The following ZNF43 variants were observed in gnomAD, a reference collection of about 807,000 sequenced individuals.
The protein encoded by ZNF43 is zinc finger protein 43.
A neutral mutation model predicts 68.4 loss-of-function variants in ZNF43; 44 were observed. The observed-to-expected ratio is 0.64, with a 90% CI of 0.51 to 0.83. ZNF43 has a LOEUF of 0.83. Ranked by LOEUF, ZNF43 falls within the 40% of genes least tolerant of loss-of-function variation. The pLI is 0.00. For missense variants in ZNF43, 896 were observed against 933.2 expected (o/e 0.96, Z 0.52); for synonymous variants, 308 against 307.8 (o/e 1.00, Z -0.01).
At chr19:21,816,918 T>TC (rs567159862) in intron 3 of ZNF43, among the ~76,000 whole-genome samples, 57 of 152,170 alleles carry the variant, frequency 3.7e-4, no homozygotes, top group African/African-American at 1.3e-3. Context: ...TAGTGCAGAC[T>TC]CAGCAGCCTT....
Position 21,807,716 on chromosome 19 carries a change from T to C in ZNF43, c.2321A>G (p.Tyr774Cys), listed in dbSNP as rs1321180268. 6.2e-7 allele frequency: 1 copy of C among 1,613,492 alleles called. No homozygotes were observed. The highest frequency in any genetic ancestry group is 1.7e-5 in the Admixed American group (1 of 59,986). ...TTTGTTATGTGTAGTAAGGTTTGAA[T>C]ATTGGTTGAAAGCTTTGCCACATTC... is the stretch of plus-strand genomic sequence containing the variant. The part of the protein sequence containing the change: ...CKECGKAFNQ[Y>C]SNLTTHNKIH... The change falls in exon 4 of 4, where the codon TAT becomes TGT. Residue 774 changes from tyrosine (Y) to cysteine (C), a missense_variant. By Grantham distance (194) the Tyr-to-Cys change is radical. Transcript: ENST00000354959.
intron 1 of ZNF43, among the ~76,000 whole-genome samples, chr19:21,846,592 A>G (rs1336316631): frequency 1.3e-5 from 2 of 152,128 alleles, no homozygotes; most frequent in Non-Finnish European, 1.5e-5. Flanking sequence ...AACATGTCAC[A>G]ATGTCTTATG....
chr19:21,825,574 T>C (rs966853938), intron 1 of ZNF43, among the ~76,000 whole-genome samples: 1 of 151,076 alleles, frequency 6.6e-6, no homozygotes, highest in Non-Finnish European at 1.5e-5. Context: ...GCAGATTTAG[T>C]GGAGCTAAAT....
chr19:21,844,922 AT>A (rs1260014675), intron 1 of ZNF43, among the ~76,000 whole-genome samples: 680 of 37,126 alleles, frequency 0.018, 8 homozygotes, highest in African/African-American at 0.039. Context: ...AAAAAAAAAA[AT>A]ATATATATAT....
At chr19:21,844,914 AAAAAAAAATATATATATAT>A (rs1361833064) in intron 1 of ZNF43, among the ~76,000 whole-genome samples, 2 of 112,978 alleles carry the variant, frequency 1.8e-5, no homozygotes, top group African/African-American at 8.1e-5. Flanking sequence ...AAAAAAAAAA[AAAAAAAAATATATATATAT>A]ATATATATAT....
chr19:21,852,057 G>T, exon 1 of ZNF43: 1 of 1,109,210 alleles, frequency 9.0e-7, no homozygotes, highest in Non-Finnish European at 1.2e-6. Context: ...TCTAGCGGGA[G>T]CTGGAGACAA....
chr19:21,815,289 G>C (rs1020510918), intron 3 of ZNF43, among the ~76,000 whole-genome samples: 2 of 151,864 alleles, frequency 1.3e-5, no homozygotes, highest in Admixed American at 6.6e-5. Context: ...TGCATCATTG[G>C]CATGAACTGT....
chr19:21,828,111 TA>T (rs1599502175), intron 1 of ZNF43, among the ~76,000 whole-genome samples: 2 of 152,338 alleles, frequency 1.3e-5, no homozygotes. Flanking sequence ...CATGTCAGAC[TA>T]ATATCTATTG....
At chr19:21,849,686 G>A (rs568541340) in intron 1 of ZNF43, among the ~76,000 whole-genome samples, 1 of 151,696 alleles carries the variant, frequency 6.6e-6, no homozygotes, top group East Asian at 1.9e-4. Flanking sequence ...AGGTTGCAGT[G>A]AGCTGAGATT....
At chr19:21,825,451 T>G (rs2038069053) in intron 1 of ZNF43, among the ~76,000 whole-genome samples, 1 of 152,138 alleles carries the variant, frequency 6.6e-6, no homozygotes. Context: ...GAGAAAGAAA[T>G]AATTGTGTTC....
At chr19:21,827,662 A>ATTTT (rs74174045) in intron 1 of ZNF43, among the ~76,000 whole-genome samples, 2 of 128,274 alleles carry the variant, frequency 1.6e-5, no homozygotes, top group African/African-American at 2.9e-5. Context: ...GCGCCTGGCC[A>ATTTT]TTTTTTTTTT....
Position 21,809,463 on chromosome 19 carries a change from G to T in ZNF43, c.574C>A (p.His192Asn), listed in dbSNP as rs774128517. The T allele has an allele frequency of 1.9e-6, 3 of 1,613,792 alleles. No individual in the cohort carries two copies. Among genetic ancestry groups the T allele is most frequent in the Non-Finnish European group, 1.7e-6 (2 of 1,179,894 alleles). The change falls in exon 4 of 4, where the codon CAT (histidine) becomes AAT (asparagine). Residue 192 changes from histidine to asparagine, a missense_variant. Physicochemically the swap from His to Asn is moderately conservative, Grantham distance 68 (BLOSUM62 1). Coordinates refer to ENST00000354959, the MANE Select transcript of ZNF43 (RefSeq NM_003423.4). ...TTCACTCTGGTATGAATTATTTTAT[G>T]TTGAGCTAGATGTGGAAGCATGCAA... ...SFCMLPHLAQ[H>N]KIIHTRVNFC...
intron 1 of ZNF43, among the ~76,000 whole-genome samples, chr19:21,842,379 AGCCT>A (rs1391583659): frequency 1.3e-5 from 2 of 150,062 alleles, no homozygotes; most frequent in African/African-American, 4.9e-5. Flanking sequence ...ACTGCACTCC[AGCCT>A]GGCAACAAAG....
intron 1 of ZNF43, among the ~76,000 whole-genome samples, chr19:21,823,419 G>A (rs1447660870): frequency 6.6e-6 from 1 of 152,124 alleles, no homozygotes; most frequent in Non-Finnish European, 1.5e-5. Context: ...ATCCTAGACT[G>A]AGACAGAGCA....
At chr19:21,822,814 A>AG (rs1599486389) in intron 1 of ZNF43, among the ~76,000 whole-genome samples, 1 of 152,094 alleles carries the variant, frequency 6.6e-6, no homozygotes, top group East Asian at 1.9e-4. Flanking sequence ...CAGAAAAAAA[A>AG]AAAATAAAGA....
In ZNF43 at chr19:21,808,190, T is replaced by A; in HGVS notation, c.1847A>T (p.His616Leu). 1 of 1,613,272 alleles carries A rather than the reference T, an allele frequency of 6.2e-7. No homozygotes were observed. Among genetic ancestry groups the A allele is most frequent in the Non-Finnish European group, 8.5e-7 (1 of 1,179,700 alleles). ...ACATTTGTAGGGTTTTCCTCCAGTATGAATTTTTTTATGTGTAGTAAGGTT... is the reference window on the plus strand; with the variant it reads ...ACATTTGTAGGGTTTTCCTCCAGTAAGAATTTTTTTATGTGTAGTAAGGTT... ...SSNLTTHKKI[H>L]TGGKPYKCEE... Residue 616 changes from histidine to leucine, a missense_variant, in exon 4 of 4, where the codon CAT becomes CTT. Coordinates refer to ENST00000354959, the MANE Select transcript of ZNF43 (RefSeq NM_003423.4).
intron 1 of ZNF43, chr19:21,851,855 CT>C (rs1158858691): frequency 7.8e-6 from 12 of 1,539,292 alleles, no homozygotes; most frequent in Non-Finnish European, 1.0e-5. Flanking sequence ...GGTCCCGCCA[CT>C]TTCACAGCCT....
intron 1 of ZNF43, among the ~76,000 whole-genome samples, chr19:21,844,003 T>C (rs1967726980): frequency 6.6e-6 from 1 of 152,154 alleles, no homozygotes; most frequent in Non-Finnish European, 1.5e-5. Flanking sequence ...ATGTCACCTG[T>C]GTGCTGGGCC....
At chr19:21,813,748 T>C (rs1259235128) in intron 3 of ZNF43, among the ~76,000 whole-genome samples, 1 of 149,260 alleles carries the variant, frequency 6.7e-6, no homozygotes, top group East Asian at 1.9e-4. Context: ...TGTAAATATT[T>C]TTATCATGAG....
Sources: gnomAD v4.1 joint callset for allele counts (sites outside exome capture counted in the v4.1 genomes callset) on GRCh38, gnomAD v4.1.1 for gene constraint, MANE v1.5 for transcripts, NCBI Gene and HGNC (gene_info 2026-07-23, HGNC 2026-07-21) for gene names.